The following NAALADL2 variants were observed in gnomAD, a reference collection of about 807,000 sequenced individuals.
The protein encoded by NAALADL2 is N-acetylated alpha-linked acidic dipeptidase like 2.
Under a neutral mutation model 87.2 loss-of-function variants are expected in NAALADL2, and 76 were observed. The ratio of observed to expected loss-of-function variants is 0.87; its 90% CI spans 0.72 to 1.05. NAALADL2 has a LOEUF of 1.05. Among genes scored for constraint, NAALADL2 ranks in the 50% least tolerant of loss-of-function variants. NAALADL2 has a pLI of 0.00. For synonymous variants in NAALADL2, 354 were observed against 331.0 expected (o/e 1.07, Z -0.75); for missense variants, 1,089 against 945.8 (o/e 1.15, Z -1.99).
At chr3:175,661,095 G>C (rs1582810114) in intron 11 of NAALADL2, among the ~76,000 whole-genome samples, 2 of 151,932 alleles carry the variant, frequency 1.3e-5, no homozygotes, top group East Asian at 3.9e-4. Context: ...AATGACTACT[G>C]TTTTACATCC....
intron 1 of NAALADL2, among the ~76,000 whole-genome samples, chr3:174,873,390 G>A (rs1272963315): frequency 6.6e-6 from 1 of 151,968 alleles, no homozygotes; most frequent in Non-Finnish European, 1.5e-5. Flanking sequence ...GAGTAGCTGG[G>A]ACTACAGGGG....
intron 1 of NAALADL2, among the ~76,000 whole-genome samples, chr3:174,957,178 A>C (rs1026955438): frequency 2.0e-5 from 3 of 152,032 alleles, no homozygotes; most frequent in African/African-American, 7.2e-5. Flanking sequence ...TGGGCATACT[A>C]ACAGGGCTCT....
At position 175,538,934 on chromosome 3, in the gene NAALADL2, C is replaced by T. The variant is rs143095859; in HGVS notation, c.1654-37107C>T. ...TATATAGAATCACAATACAAAAAGG[C>T]AAGAGCAGGCAGAAAAATTCATGGT... On this transcript the variant is annotated intron_variant, in intron 9 of 13. Coordinates refer to ENST00000454872, the MANE Select transcript of NAALADL2 (RefSeq NM_207015.3). Among the ~76,000 whole-genome samples, 319 of 152,140 alleles carry T rather than the reference C, an allele frequency of 2.1e-3. 3 individuals are homozygous for T. The highest frequency in any genetic ancestry group is 6.9e-3 in the African/African-American group (286 of 41,516).
At chr3:174,821,461 A>G (rs1721409567) in intron 3 of NAALADL2, among the ~76,000 whole-genome samples, 1 of 152,190 alleles carries the variant, frequency 6.6e-6, no homozygotes, top group African/African-American at 2.4e-5. Context: ...ACATTCAAAG[A>G]GACTAGAGGA....
intron 1 of NAALADL2, among the ~76,000 whole-genome samples, chr3:174,502,633 A>G (rs976768978): frequency 2.0e-5 from 3 of 152,174 alleles, no homozygotes; most frequent in Non-Finnish European, 4.4e-5. Flanking sequence ...GAATAAGGGA[A>G]CCTGTTAATA....
At chr3:174,998,721 A>G (rs750579072) in intron 1 of NAALADL2, among the ~76,000 whole-genome samples, 5 of 152,190 alleles carry the variant, frequency 3.3e-5, no homozygotes, top group Non-Finnish European at 5.9e-5. Context: ...TAGGAAACTC[A>G]TCTTAGGCCA....
intron 2 of NAALADL2, among the ~76,000 whole-genome samples, chr3:175,232,811 A>G (rs1338678651): frequency 6.6e-6 from 1 of 152,192 alleles, no homozygotes; most frequent in African/African-American, 2.4e-5. Context: ...TTGTATAGCA[A>G]TAAGATTCTT....
At chr3:175,442,299 G>GTATATA (rs3067105) in intron 5 of NAALADL2, among the ~76,000 whole-genome samples, 2 of 150,302 alleles carry the variant, frequency 1.3e-5, no homozygotes, top group East Asian at 2.0e-4. Context: ...CACATATAAA[G>GTATATA]TATATATATA....
intron 2 of NAALADL2, among the ~76,000 whole-genome samples, chr3:175,139,540 A>C (rs1450211095): frequency 6.6e-6 from 1 of 151,804 alleles, no homozygotes; most frequent in Non-Finnish European, 1.5e-5. Flanking sequence ...ATTATTCTGA[A>C]ATGCTACGTA....
chr3:174,758,718 A>T (rs1192196385), intron 3 of NAALADL2, among the ~76,000 whole-genome samples: 2 of 152,212 alleles, frequency 1.3e-5, no homozygotes, highest in African/African-American at 4.8e-5. Context: ...TCCCCCATTA[A>T]ACTATGGAGA....
intron 4 of NAALADL2, among the ~76,000 whole-genome samples, chr3:175,299,778 TTC>T (rs1296969613): frequency 2.0e-5 from 3 of 152,188 alleles, no homozygotes; most frequent in Non-Finnish European, 4.4e-5. Context: ...TATGCTTTAT[TTC>T]TCTCTCTTGC....
At chr3:175,120,328 CAT>C (rs1356064727) in intron 2 of NAALADL2, among the ~76,000 whole-genome samples, 1 of 151,698 alleles carries the variant, frequency 6.6e-6, no homozygotes, top group African/African-American at 2.4e-5. Flanking sequence ...GCATTAAAAA[CAT>C]AGAAATCTAT....
At chr3:175,116,045 A>G (rs867574751) in intron 2 of NAALADL2, among the ~76,000 whole-genome samples, 1 of 151,692 alleles carries the variant, frequency 6.6e-6, no homozygotes, top group Non-Finnish European at 1.5e-5. Context: ...GCCTTCATGC[A>G]AAAAACTCAA....
At chr3:175,600,432 C>T (rs372050266) in intron 10 of NAALADL2, among the ~76,000 whole-genome samples, 2 of 147,124 alleles carry the variant, frequency 1.4e-5, no homozygotes, top group African/African-American at 2.5e-5. Context: ...TGTTAGCTTT[C>T]GTAAGCTTGA....
At position 175,064,387 on chromosome 3, in the gene NAALADL2, G is replaced by T. The variant is rs562982410; in HGVS notation, c.44-32403G>T. 1.6e-4 allele frequency among the ~76,000 whole-genome samples: 25 copies of T among 152,106 alleles called. No homozygotes were observed. In the South Asian group the frequency reaches 4.4e-3, roughly 26 times the overall value. On this transcript the variant is annotated intron_variant, in intron 1 of 13. Coordinates refer to ENST00000454872, the MANE Select transcript of NAALADL2 (RefSeq NM_207015.3). ...ATGTTACTTATTTGGGATTGTATCAGTGAGGAAACAGATCATATACTCAAG... is the reference window on the plus strand; with the variant it reads ...ATGTTACTTATTTGGGATTGTATCATTGAGGAAACAGATCATATACTCAAG...
At chr3:175,371,394 A>G (rs1766478317) in intron 5 of NAALADL2, among the ~76,000 whole-genome samples, 1 of 151,980 alleles carries the variant, frequency 6.6e-6, no homozygotes, top group Admixed American at 6.6e-5. Context: ...CAGCCTCCTG[A>G]GTAGCTGGGA....
intron 5 of NAALADL2, among the ~76,000 whole-genome samples, chr3:175,444,351 C>G (rs151112133): frequency 2.6e-5 from 4 of 152,282 alleles, no homozygotes; most frequent in Non-Finnish European, 5.9e-5. Context: ...AGCGTTTGTA[C>G]AGACATTGTC....
intron 2 of NAALADL2, among the ~76,000 whole-genome samples, chr3:174,605,171 A>G (rs1246050803): frequency 6.6e-6 from 1 of 152,162 alleles, no homozygotes. Flanking sequence ...TAAAAGTAAA[A>G]CTAGGGGGTC....
intron 2 of NAALADL2, among the ~76,000 whole-genome samples, chr3:175,156,659 A>G (rs776384051): frequency 7.7e-4 from 116 of 151,260 alleles, no homozygotes; most frequent in African/African-American, 2.6e-3. Context: ...TAGAAAAAGT[A>G]GTAGATTGTC....
Sources: gnomAD v4.1 joint callset for allele counts (sites outside exome capture counted in the v4.1 genomes callset) on GRCh38, gnomAD v4.1.1 for gene constraint, MANE v1.5 for transcripts, NCBI Gene and HGNC (gene_info 2026-07-23, HGNC 2026-07-21) for gene names.